UPP2: variants seen among roughly 807,000 people sequenced by gnomAD.
The protein encoded by UPP2 is UPase 2.
Under a neutral mutation model 26.7 loss-of-function variants are expected in UPP2, and 23 were observed. That is an observed-to-expected ratio of 0.86 (90% CI 0.62 to 1.22). The LOEUF (loss-of-function observed/expected upper bound fraction) is 1.22. Ranked by LOEUF, UPP2 falls within the 50% of genes most tolerant of loss-of-function variation. The pLI is 0.00. For missense variants in UPP2, 387 were observed against 396.7 expected (o/e 0.98, Z 0.21); for synonymous variants, 127 against 141.3 (o/e 0.90, Z 0.72).
chr2:158,073,385 A>G (rs1682575409), intron 3 of UPP2, among the ~76,000 whole-genome samples: 1 of 152,152 alleles, frequency 6.6e-6, no homozygotes, highest in Admixed American at 6.5e-5. Context: ...TTGATCTTAA[A>G]GAGAAGGCAG....
intron 3 of UPP2, 34 bp downstream of exon 3, chr2:158,115,293 T>C: frequency 6.5e-7 from 1 of 1,544,934 alleles, no homozygotes; most frequent in African/African-American, 1.4e-5. Flanking sequence ...AGCTAGTCAT[T>C]GCAGGCTAGA....
chr2:158,057,709 TAAGTATA>T (rs1682269060), intron 3 of UPP2, among the ~76,000 whole-genome samples: 2 of 152,074 alleles, frequency 1.3e-5, no homozygotes, highest in South Asian at 4.1e-4. Context: ...TTTTTATTAT[TAAGTATA>T]GTCTACAGTT....
chr2:158,005,449 G>A, intron 2 of UPP2, among the ~76,000 whole-genome samples: 1 of 152,212 alleles, frequency 6.6e-6, no homozygotes, highest in East Asian at 1.9e-4. Flanking sequence ...GATGAAAAGA[G>A]AAAGCCAGGA....
intron 3 of UPP2, among the ~76,000 whole-genome samples, chr2:158,082,839 C>A (rs995724824): frequency 6.6e-6 from 1 of 152,014 alleles, no homozygotes; most frequent in African/African-American, 2.4e-5. Flanking sequence ...CCAGAATCTA[C>A]AAGGAACTTA....
At chr2:158,048,358 C>A (rs186408094) in intron 3 of UPP2, among the ~76,000 whole-genome samples, 1 of 152,188 alleles carries the variant, frequency 6.6e-6, no homozygotes, top group Admixed American at 6.5e-5. Flanking sequence ...GTGATCCCAG[C>A]ACTTTGGGAG....
chr2:158,085,938 G>A (rs184995409), intron 3 of UPP2, among the ~76,000 whole-genome samples: 46 of 151,916 alleles, frequency 3.0e-4, no homozygotes, highest in East Asian at 1.9e-3. Context: ...ATCTTTGTAC[G>A]TTCATCAGGG....
intron 3 of UPP2, among the ~76,000 whole-genome samples, chr2:158,030,007 G>C (rs1186420116): frequency 1.3e-5 from 2 of 152,228 alleles, no homozygotes; most frequent in East Asian, 3.9e-4. Context: ...ATAGCAAAAA[G>C]GGAAGTAGTT....
In UPP2 at chr2:158,117,853, T is replaced by C. The variant is rs1180354564; in HGVS notation, c.369T>C (p.Ile123=). The C allele has an allele frequency of 3.7e-6, 6 of 1,612,818 alleles. No individual in the cohort carries two copies. Among genetic ancestry groups the C allele is most frequent in the Non-Finnish European group, 4.2e-6 (5 of 1,178,944 alleles). ...SHGMGIPSIS[I]MLHELIKLLH... ...GCATGGGCATCCCCTCCATTTCTAT[T>C]ATGCTTCATGAACTCATCAAATTAC... The change falls in exon 4 of 7, where the codon ATT becomes ATC. Residue 123 remains isoleucine (I), a synonymous_variant. Coordinates refer to ENST00000005756, the MANE Select transcript of UPP2 (RefSeq NM_173355.4).
chr2:158,111,502 A>G (rs779976731), intron 2 of UPP2, among the ~76,000 whole-genome samples: 2 of 152,060 alleles, frequency 1.3e-5, no homozygotes. Context: ...TAATTGGATC[A>G]TATGTTTGTT....
intron 2 of UPP2, among the ~76,000 whole-genome samples, chr2:158,107,235 G>A (rs2286434): frequency 6.6e-6 from 1 of 152,190 alleles, no homozygotes; most frequent in East Asian, 1.9e-4. Flanking sequence ...TGCACTAATG[G>A]AGAATCGCGC....
chr2:158,115,152 A>T lies in UPP2; in HGVS notation c.232A>T (p.Met78Leu). 1 of 1,613,812 alleles carries T rather than the reference A, an allele frequency of 6.2e-7. No homozygotes were observed. The highest frequency in any genetic ancestry group is 8.5e-7 in the Non-Finnish European group (1 of 1,179,884). Residue 78 changes from methionine (M) to leucine (L), a missense_variant, in exon 3 of 7, where the codon ATG becomes TTG. Physicochemically the swap from Met to Leu is conservative, Grantham distance 15 (BLOSUM62 2). Transcript: ENST00000005756. ...PNRMKAFALF[M>L]HKELGFEEAE... Reference sequence around the variant, plus strand: ...CAGAATGAAAGCATTTGCACTGTTTATGCACAAGGAGCTCGGGTTTGAGGA... The same window carrying T: ...CAGAATGAAAGCATTTGCACTGTTTTTGCACAAGGAGCTCGGGTTTGAGGA...
chr2:158,107,871 T>C (rs1683228760), intron 2 of UPP2, among the ~76,000 whole-genome samples: 1 of 152,100 alleles, frequency 6.6e-6, no homozygotes, highest in Non-Finnish European at 1.5e-5. Flanking sequence ...TATTTTGCGC[T>C]TTGTCTTCTC....
intron 3 of UPP2, among the ~76,000 whole-genome samples, chr2:158,054,978 C>T (rs1682223808): frequency 6.6e-6 from 1 of 152,134 alleles, no homozygotes; most frequent in Non-Finnish European, 1.5e-5. Flanking sequence ...TCTCCCTAGC[C>T]CCTGACAACC....
At chr2:158,074,712 C>CACACACAT (rs1345849880) in intron 3 of UPP2, among the ~76,000 whole-genome samples, 1 of 151,592 alleles carries the variant, frequency 6.6e-6, no homozygotes, top group Non-Finnish European at 1.5e-5. Flanking sequence ...CACACACACA[C>CACACACAT]ACACACACAC....
chr2:158,040,715 G>C (rs564685092), intron 3 of UPP2, among the ~76,000 whole-genome samples: 1 of 152,176 alleles, frequency 6.6e-6, no homozygotes, highest in Non-Finnish European at 1.5e-5. Flanking sequence ...CCTGCTTTCT[G>C]AATAGACTAG....
At chr2:158,047,032 C>CTGGGTTATAAA (rs1255750210) in intron 3 of UPP2, among the ~76,000 whole-genome samples, 1 of 152,192 alleles carries the variant, frequency 6.6e-6, no homozygotes, top group Non-Finnish European at 1.5e-5. Context: ...TGCAGTCTCT[C>CTGGGTTATAAA]TGGGTTATAA....
In UPP2 at chr2:158,123,817, G is replaced by A; in HGVS notation, c.733G>A (p.Ala245Thr). ...REKKLDYLKRAFKAGVRNIEM... is the reference protein window; with the variant it reads ...REKKLDYLKRTFKAGVRNIEM... ...AAAAAAGTTAGACTACTTGAAGAGA[G>A]CATTTAAAGCTGGTGTCAGGAATAT... Residue 245 changes from alanine (A) to threonine (T), a missense_variant, in exon 6 of 7, where the codon GCA becomes ACA. Transcript: ENST00000005756. 6.2e-7 allele frequency: 1 copy of A among 1,614,068 alleles called. No homozygotes were observed. The highest frequency in any genetic ancestry group is 8.5e-7 in the Non-Finnish European group (1 of 1,179,940).
chr2:158,102,473 C>T (rs1394953835), intron 1 of UPP2, among the ~76,000 whole-genome samples: 1 of 152,110 alleles, frequency 6.6e-6, no homozygotes, highest in African/African-American at 2.4e-5. Context: ...CCATGGGCTG[C>T]AAATGAGAAA....
chr2:158,093,829 A>G (rs564213937), intron 3 of UPP2, among the ~76,000 whole-genome samples: 1 of 152,080 alleles, frequency 6.6e-6, no homozygotes, highest in South Asian at 2.1e-4. Flanking sequence ...AACTGAATAC[A>G]TGCAAACATA....
Sources: allele counts gnomAD v4.1 joint callset (sites outside exome capture counted in the v4.1 genomes callset), GRCh38; gene constraint gnomAD v4.1.1; transcripts MANE v1.5; gene names NCBI Gene and HGNC (gene_info 2026-07-23, HGNC 2026-07-21).